Variants in RIN3 observed in about 807,000 individuals in gnomAD.
RIN3 encodes the protein RAB5 interacting protein 3.
RIN3 carries 54 observed loss-of-function variants against 76.3 expected under a neutral mutation model. That is an observed-to-expected ratio of 0.71 (90% CI 0.57 to 0.89). RIN3 has a LOEUF of 0.89. RIN3 is among the 40% of genes least tolerant of loss of function. The pLI, the probability that RIN3 is intolerant of heterozygous loss-of-function variation, is 0.00. For synonymous variants in RIN3, 576 were observed against 564.0 expected (o/e 1.02, Z -0.30); for missense variants, 1,256 against 1,322.1 (o/e 0.95, Z 0.78).
At chr14:92,536,742 G>GAAAAAA (rs66654234) in intron 1 of RIN3, among the ~76,000 whole-genome samples, 2 of 128,230 alleles carry the variant, frequency 1.6e-5, no homozygotes, top group Non-Finnish European at 1.6e-5. Flanking sequence ...CTCCGTCTCA[G>GAAAAAA]AAAAAAAAAA....
chr14:92,680,200 CTTTT>C (rs34005662), intron 8 of RIN3, among the ~76,000 whole-genome samples: 1 of 134,314 alleles, frequency 7.4e-6, no homozygotes. Context: ...CTCTCTGGCA[CTTTT>C]TTTTTTTTTT....
intron 1 of RIN3, among the ~76,000 whole-genome samples, chr14:92,553,975 A>G (rs1244217639): frequency 1.3e-5 from 2 of 152,058 alleles, no homozygotes; most frequent in Non-Finnish European, 2.9e-5. Context: ...GCCTTCCCCA[A>G]GGGGCTCCTT....
At chr14:92,539,257 G>A (rs1897078283) in intron 1 of RIN3, among the ~76,000 whole-genome samples, 1 of 152,114 alleles carries the variant, frequency 6.6e-6, no homozygotes, top group African/African-American at 2.4e-5. Flanking sequence ...TGGGGTCTGG[G>A]CCCATACTAA....
At chr14:92,665,627 C>T (rs1000321231) in intron 7 of RIN3, among the ~76,000 whole-genome samples, 4 of 151,976 alleles carry the variant, frequency 2.6e-5, no homozygotes, top group African/African-American at 4.8e-5. Context: ...ATGATCCACC[C>T]ACCTCGGCCT....
chr14:92,527,490 A>C (rs570517647), intron 1 of RIN3, among the ~76,000 whole-genome samples: 2 of 152,286 alleles, frequency 1.3e-5, no homozygotes, highest in Non-Finnish European at 2.9e-5. Flanking sequence ...ATAGGACTAC[A>C]TCTTTTGGGG....
At chr14:92,599,832 A>G (rs1202932800) in intron 3 of RIN3, among the ~76,000 whole-genome samples, 1 of 152,196 alleles carries the variant, frequency 6.6e-6, no homozygotes. Flanking sequence ...CTATAGGGCT[A>G]TACAACTCCC....
At chr14:92,546,785 C>T (rs1042793584) in intron 1 of RIN3, among the ~76,000 whole-genome samples, 2 of 151,948 alleles carry the variant, frequency 1.3e-5, no homozygotes, top group Admixed American at 6.6e-5. Flanking sequence ...GTGAGTAGGG[C>T]CTGTTTGGGG....
At chr14:92,546,945 C>T (rs1897279057) in intron 1 of RIN3, among the ~76,000 whole-genome samples, 1 of 149,680 alleles carries the variant, frequency 6.7e-6, no homozygotes, top group South Asian at 2.1e-4. Context: ...GTATTACCAG[C>T]TCCATTGTAC....
intron 4 of RIN3, among the ~76,000 whole-genome samples, chr14:92,630,540 A>G (rs539960832): frequency 2.0e-5 from 3 of 152,322 alleles, no homozygotes; most frequent in African/African-American, 7.2e-5. Flanking sequence ...CCCTTGTTCT[A>G]CTTCCATGAA....
intron 2 of RIN3, among the ~76,000 whole-genome samples, chr14:92,557,619 CCTCTTG>C (rs1897631728): frequency 6.6e-6 from 1 of 152,264 alleles, no homozygotes; most frequent in South Asian, 2.1e-4. Context: ...GTCCTGACCT[CCTCTTG>C]CTACAGAGGC....
At chr14:92,653,536 C>T (rs753292955) in intron 6 of RIN3, among the ~76,000 whole-genome samples, 11 of 152,226 alleles carry the variant, frequency 7.2e-5, no homozygotes, top group Non-Finnish European at 1.5e-4. Flanking sequence ...CATATGCACC[C>T]AGATCCCTCT....
intron 4 of RIN3, among the ~76,000 whole-genome samples, chr14:92,639,993 C>T (rs868353642): frequency 9.2e-4 from 102 of 111,076 alleles, no homozygotes; most frequent in Middle Eastern, 0.016. Flanking sequence ...CCTGACTGTG[C>T]GTTTGCTGGG....
Position 92,685,282 on chromosome 14 carries a change from A to AC in RIN3, c.2631+133dup, listed in dbSNP as rs1424130876. The AC allele has an allele frequency of 1.1e-4, 106 of 937,778 alleles. 2 individuals carry two copies. In the African/African-American group the frequency reaches 1.2e-3, roughly 10 times the overall value. 58.1% of individuals were successfully genotyped at this position (937,778 alleles called of 1,614,324 possible). A position where few individuals can be genotyped will look rare whatever the true frequency, so the allele number is the denominator to read the frequency against. On this transcript the variant is annotated intron_variant, in intron 9 of 9. Transcript: ENST00000216487. This position sits in a 1 kb window ranked among gnomAD's most constrained non-coding sequence, Gnocchi z 4.7. Reference sequence around the variant, plus strand: ...AGCCCTGCCTTAGGGGAGCAGTGAGACTCCCCACACCAGAGGAAGGGCCCC... The same window carrying AC: ...AGCCCTGCCTTAGGGGAGCAGTGAGACCTCCCCACACCAGAGGAAGGGCCCC...
At chr14:92,655,394 GAGAGT>G (rs1483831505) in intron 6 of RIN3, among the ~76,000 whole-genome samples, 1 of 152,210 alleles carries the variant, frequency 6.6e-6, no homozygotes, top group African/African-American at 2.4e-5. Context: ...GAGAGAGAGA[GAGAGT>G]AAAGTATAGT....
At chr14:92,531,932 C>CTTT (rs535083345) in intron 1 of RIN3, among the ~76,000 whole-genome samples, 1 of 142,712 alleles carries the variant, frequency 7.0e-6, no homozygotes. Context: ...CATCTCTTAT[C>CTTT]TTTTTTTTTT....
At chr14:92,526,719 C>T (rs1193795411) in intron 1 of RIN3, among the ~76,000 whole-genome samples, 1 of 152,182 alleles carries the variant, frequency 6.6e-6, no homozygotes, top group Non-Finnish European at 1.5e-5. Flanking sequence ...TGCCACTGCA[C>T]TCCAGGCTGG....
intron 1 of RIN3, chr14:92,515,308 T>C (rs996902107): frequency 2.9e-6 from 2 of 694,720 alleles, no homozygotes; most frequent in African/African-American, 1.8e-5. Flanking sequence ...ACACCCAAGA[T>C]GGCAGGGTGA....
At chr14:92,604,879 C>T (rs1885468861) in intron 3 of RIN3, among the ~76,000 whole-genome samples, 1 of 138,338 alleles carries the variant, frequency 7.2e-6, no homozygotes, top group African/African-American at 2.7e-5. Context: ...TCTGTTGAGG[C>T]TTCCTGTCAA....
chr14:92,589,685 T>A (rs1311739862), intron 3 of RIN3, among the ~76,000 whole-genome samples: 3 of 152,224 alleles, frequency 2.0e-5, no homozygotes, highest in Non-Finnish European at 4.4e-5. Flanking sequence ...ACTGAAACTT[T>A]GTGCAATAAT....
Sources: allele counts gnomAD v4.1 joint callset (sites outside exome capture counted in the v4.1 genomes callset), GRCh38; gene constraint gnomAD v4.1.1; non-coding constraint Gnocchi (gnomAD v3.1); transcripts MANE v1.5; gene names NCBI Gene and HGNC (gene_info 2026-07-23, HGNC 2026-07-21).